AATK: variants seen among roughly 807,000 people sequenced by gnomAD.
AATK encodes the protein serine/threonine-protein kinase LMTK1.
Under a neutral mutation model 114.3 loss-of-function variants are expected in AATK, and 91 were observed. The observed-to-expected ratio is 0.80, with a 90% CI of 0.67 to 0.95. The LOEUF (loss-of-function observed/expected upper bound fraction) is 0.95. Ranked by LOEUF, AATK falls within the 40% of genes least tolerant of loss-of-function variation. The pLI, the probability that AATK is intolerant of heterozygous loss-of-function variation, is 0.00. For synonymous variants in AATK, 1,075 were observed against 916.5 expected, an observed-to-expected ratio of 1.17 and a Z score of -3.12; for missense variants, 2,176 against 1,965.2, an observed-to-expected ratio of 1.11 and a Z score of -2.03.
In AATK at chr17:81,118,084, G is replaced by A. The variant is rs1312045082; in HGVS notation, c.*318C>T. On this transcript the variant is annotated 3_prime_UTR_variant, in exon 14 of 14. Coordinates refer to ENST00000326724, the MANE Select transcript of AATK (RefSeq NM_001080395.3). ...GCAGGCAGGGCAGAGGGTGGGGGCC[G>A]CCGTGCCCAGGGGCACTGGCCCCTT... is the stretch of plus-strand genomic sequence containing the variant. The A allele has an allele frequency of 3.3e-5, 10 of 301,022 alleles. No homozygotes were observed. The highest frequency in any genetic ancestry group is 7.6e-5 in the South Asian group (1 of 13,220). The allele number at this position is 301,022 out of a possible 1,614,324, so 18.6% of individuals were successfully genotyped here.
chr17:81,147,551 T>C (rs1382205670), intron 1 of AATK, among the ~76,000 whole-genome samples: 2 of 151,992 alleles, frequency 1.3e-5, no homozygotes, highest in Non-Finnish European at 2.9e-5. Context: ...ACTTAAGAGT[T>C]TGAGACTAGC....
chr17:81,160,166 T>C, intron 1 of AATK: 1 of 775,688 alleles, frequency 1.3e-6, no homozygotes, highest in Non-Finnish European at 1.6e-6. Context: ...AGGAGTCTCC[T>C]GGCCACGGCC....
rs1169812344 is a variant in AATK at position 81,122,168 on chromosome 17, G to A, written c.1768C>T (p.Arg590Cys). Residue 590 changes from arginine (R) to cysteine (C), a missense_variant, in exon 11 of 14, where the codon CGC (arginine) becomes TGC (cysteine). Arg to Cys is a radical substitution (Grantham distance 180). Coordinates refer to ENST00000326724, the MANE Select transcript of AATK (RefSeq NM_001080395.3). ...HGPPVDVPWG[R>C]GDHYPRRSLA... Reference sequence around the variant, plus strand: ...CTTCTGCGAGGGTAGTGGTCGCCGCGGCCCCAGGGGACGTCGACGGGTGGC... The same window carrying A: ...CTTCTGCGAGGGTAGTGGTCGCCGCAGCCCCAGGGGACGTCGACGGGTGGC... The A allele has an allele frequency of 5.3e-6, 8 of 1,513,228 alleles. No homozygotes were observed. The East Asian group carries it at 9.9e-5, about 19-fold the overall frequency. 93.7% of individuals were successfully genotyped at this position (1,513,228 alleles called of 1,614,324 possible). A position where few individuals can be genotyped will look rare whatever the true frequency, so the allele number is the denominator to read the frequency against.
chr17:81,149,704 C>T (rs982930065), intron 1 of AATK, among the ~76,000 whole-genome samples: 12 of 152,204 alleles, frequency 7.9e-5, no homozygotes, highest in African/African-American at 2.7e-4. Flanking sequence ...GCCTGTGCCC[C>T]CATGAGCTCT....
Position 81,118,351 on chromosome 17 carries a change from TGGCAGGG to T in AATK, c.*44_*50del. The T allele has an allele frequency of 6.4e-7, 1 of 1,557,652 alleles. No individual in the cohort carries two copies. On this transcript the variant is annotated 3_prime_UTR_variant, in exon 14 of 14. Coordinates refer to ENST00000326724, the MANE Select transcript of AATK (RefSeq NM_001080395.3). ...CTCGGTCACCATCCTCGCTGCTGCC[TGGCAGGG>T]GCTCCGGTGACGCCAGCCTTGAGGG...
rs1203738998 is a variant in AATK, at chr17:81,119,504, G to A, written c.3960C>T (p.Ala1320=). 2.0e-6 allele frequency: 3 copies of A among 1,524,774 alleles called. No individual in the cohort carries two copies. Among genetic ancestry groups the A allele is most frequent in the Non-Finnish European group, 2.6e-6 (3 of 1,138,876 alleles). 94.5% of individuals were successfully genotyped at this position (1,524,774 alleles called of 1,614,324 possible). A position where few individuals can be genotyped will look rare whatever the true frequency, so the allele number is the denominator to read the frequency against. Residue 1320 remains alanine, a synonymous_variant, in exon 13 of 14, where the codon GCC becomes GCT. Transcript: ENST00000326724. ...KAAFAMALDP[A]APAPAAPTPT... ...GCGTGGGCGCAGCCGGGGCGGGTGCGGCCGGGTCTAGGGCCATGGCGAAGG... is the reference window on the plus strand; with the variant it reads ...GCGTGGGCGCAGCCGGGGCGGGTGCAGCCGGGTCTAGGGCCATGGCGAAGG...
chr17:81,134,396 C>T lies in AATK; in HGVS notation c.161G>A (p.Cys54Tyr), dbSNP rs1476546162. 1 of 1,613,190 alleles carries T rather than the reference C, an allele frequency of 6.2e-7. No homozygotes were observed. Among genetic ancestry groups the T allele is most frequent in the Non-Finnish European group, 8.5e-7 (1 of 1,179,812 alleles). The change falls in exon 2 of 14, where the codon TGC becomes TAC. Residue 54 changes from cysteine (C) to tyrosine (Y), a missense_variant. By Grantham distance (194) the Cys-to-Tyr change is radical (BLOSUM62 -2). Around this residue, in one of 4 missense-constraint regions of AATK, gnomAD observed 178 missense variants for 175.4 expected, o/e 1.01. Transcript: ENST00000326724. ...AVIVLMLACLCCKKGGIGFKE... is the reference protein window; with the variant it reads ...AVIVLMLACLYCKKGGIGFKE... Reference sequence around the variant, plus strand: ...GAACCCGATACCGCCCTTCTTACAGCACAGGCAGGCCAGCATGAGGACGAT... The same window carrying T: ...GAACCCGATACCGCCCTTCTTACAGTACAGGCAGGCCAGCATGAGGACGAT...
chr17:81,138,625 ACACACATATCCACACATC>A (rs1270146589), intron 1 of AATK, among the ~76,000 whole-genome samples: 1 of 143,282 alleles, frequency 7.0e-6, no homozygotes, highest in Non-Finnish European at 1.5e-5. Context: ...ACACATACCC[ACACACATATCCACACATC>A]CACACATACC....
At position 81,132,606 on chromosome 17, in the gene AATK, G is replaced by C. The variant is rs755537995; in HGVS notation, c.190-1401C>G. 50 of 254,710 alleles carry C rather than the reference G, an allele frequency of 2.0e-4. 1 individual carries two copies. Among genetic ancestry groups the C allele is most frequent in the South Asian group, 1.6e-3 (49 of 31,278 alleles). The allele number at this position is 254,710 out of a possible 1,614,324, so 15.8% of individuals were successfully genotyped here. ...ATCTGGGCTTTGTAGAGGGGCCCAG[G>C]ACACAGATGCTGTCTCTCCCTGGGG... is the stretch of plus-strand genomic sequence containing the variant. On this transcript the variant is annotated intron_variant, in intron 2 of 13. Transcript: ENST00000326724.
At position 81,122,436 on chromosome 17, in the gene AATK, T is replaced by C; in HGVS notation, c.1500A>G (p.Ala500=). 1 of 1,454,570 alleles carries C rather than the reference T, an allele frequency of 6.9e-7. No individual in the cohort carries two copies. Among genetic ancestry groups the C allele is most frequent in the Non-Finnish European group, 9.1e-7 (1 of 1,104,324 alleles). 90.1% of individuals were successfully genotyped at this position (1,454,570 alleles called of 1,614,324 possible). Residue 500 remains alanine, a synonymous_variant, in exon 11 of 14, where the codon GCA becomes GCG. Coordinates refer to ENST00000326724, the MANE Select transcript of AATK (RefSeq NM_001080395.3). ...FPATLSPGRT[A]RLQELCAPDG... The stretch of plus-strand genomic sequence containing the variant: ...CGGGGGCGCACAGCTCCTGCAGGCG[T>C]GCGGTGCGGCCAGGGCTCAGCGTGG...
rs879883280 is a variant in AATK at position 81,119,203 on chromosome 17, G to A, written c.4084+177C>T. Among the ~76,000 whole-genome samples, 950 of 122,302 alleles carry A rather than the reference G, an allele frequency of 7.8e-3. 4 individuals are homozygous for A. The highest frequency in any genetic ancestry group is 0.023 in the Middle Eastern group (5 of 216). 80.2% of individuals were successfully genotyped at this position (122,302 alleles called of 152,430 possible). On this transcript the variant is annotated intron_variant, in intron 13 of 13. Coordinates refer to ENST00000326724, the MANE Select transcript of AATK (RefSeq NM_001080395.3). ...TGAGGGTCAGGTGAGGGCCAGGCGA[G>A]GGCCAGGCGGGGTCCAGGCTAGGTC... is the stretch of plus-strand genomic sequence containing the variant.
At position 81,121,296 on chromosome 17, in the gene AATK, C is replaced by A; in HGVS notation, c.2640G>T (p.Gln880His). The A allele has an allele frequency of 6.2e-7, 1 of 1,611,646 alleles. No homozygotes were observed. The change falls in exon 11 of 14, where the codon CAG becomes CAT. Residue 880 changes from glutamine to histidine, a missense_variant. Physicochemically the swap from Gln to His is conservative, Grantham distance 24. Around this residue, in one of 4 missense-constraint regions of AATK, gnomAD observed 1,701 missense variants for 1,394.7 expected, o/e 1.22. Transcript: ENST00000326724. Reference sequence around the variant, plus strand: ...CTGGCACCACATCCGGCCTCCTGGCCTGCAGGCCGTCGCTGGACGTGTCGG... The same window carrying A: ...CTGGCACCACATCCGGCCTCCTGGCATGCAGGCCGTCGCTGGACGTGTCGG... ...IFTDTSSDGL[Q>H]ARRPDVVPAF...
At chr17:81,133,378 G>A (rs770553922) in intron 2 of AATK, 5 of 340,390 alleles carry the variant, frequency 1.5e-5, no homozygotes, top group South Asian at 6.3e-5. Flanking sequence ...CTCTGGGACT[G>A]TCTCCCAAAT....
At position 81,129,821 on chromosome 17, in the gene AATK, T is replaced by C. The variant is rs1278458734; in HGVS notation, c.334+1240A>G. ...GGACCCCCACAGCCATCCGGGAAGG[T>C]CCGAGGGCCTCACGCTCTGAGTGGG... On this transcript the variant is annotated intron_variant, in intron 3 of 13. Coordinates refer to ENST00000326724, the MANE Select transcript of AATK (RefSeq NM_001080395.3). Among the ~76,000 whole-genome samples the C allele has an allele frequency of 5.9e-5, 9 of 152,180 alleles. No individual in the cohort carries two copies. The East Asian group carries it at 1.7e-3, about 29-fold the overall frequency.
At chr17:81,157,905 G>C (rs547615480) in intron 1 of AATK, among the ~76,000 whole-genome samples, 30 of 152,216 alleles carry the variant, frequency 2.0e-4, no homozygotes, top group Non-Finnish European at 3.8e-4. Flanking sequence ...CGCTCTTCGT[G>C]GGGGCCTACC....
At chr17:81,130,578 C>T (rs2060914601) in intron 3 of AATK, among the ~76,000 whole-genome samples, 1 of 152,196 alleles carries the variant, frequency 6.6e-6, no homozygotes, top group Admixed American at 6.5e-5. Flanking sequence ...GCCCCTCCTC[C>T]TGCCATGCAC....
Position 81,120,891 on chromosome 17 carries a change from G to A in AATK, c.3045C>T (p.Cys1015=), listed in dbSNP as rs775382756. ...AEATSGPEKK[C]GGDRAPGPEL... ...CTGGCCCGGGGGCTCGGTCCCCGCCGCACTTCTTCTCTGGGCCTGAGGTGG... is the reference window on the plus strand; with the variant it reads ...CTGGCCCGGGGGCTCGGTCCCCGCCACACTTCTTCTCTGGGCCTGAGGTGG... The change falls in exon 11 of 14, where the codon TGC becomes TGT. Residue 1015 remains cysteine (C), a synonymous_variant. Transcript: ENST00000326724. The A allele has an allele frequency of 5.4e-5, 86 of 1,587,442 alleles. No homozygotes were observed. Among genetic ancestry groups the A allele is most frequent in the Non-Finnish European group, 4.6e-5 (54 of 1,167,526 alleles).
chr17:81,127,566 C>T lies in AATK; in HGVS notation c.621+17G>A. 6.3e-7 allele frequency: 1 copy of T among 1,583,300 alleles called. No individual in the cohort carries two copies. The highest frequency in any genetic ancestry group is 8.6e-7 in the Non-Finnish European group (1 of 1,165,494). On this transcript the variant is annotated intron_variant, in intron 6 of 13. Transcript: ENST00000326724. ...GGCTCAGCAAAGACCCCAGCATCCC[C>T]CCGGGCAGCAGCTCACCAGTGGGCA...
chr17:81,123,191 C>A lies in AATK; in HGVS notation c.1112+3G>T. 1 of 1,423,294 alleles carries A rather than the reference C, an allele frequency of 7.0e-7. No individual in the cohort carries two copies. The highest frequency in any genetic ancestry group is 9.2e-7 in the Non-Finnish European group (1 of 1,091,996). 88.2% of individuals were successfully genotyped at this position (1,423,294 alleles called of 1,614,324 possible). ...GTCCGGGACAGGGCAGTGGGGCCCT[C>A]ACCAGCGGTCCGACAGGGTCAGCTG... On this transcript the variant is annotated splice_donor_region_variant and intron_variant, in intron 10 of 13. Coordinates refer to ENST00000326724, the MANE Select transcript of AATK (RefSeq NM_001080395.3).
Sources: allele counts gnomAD v4.1 joint callset (sites outside exome capture counted in the v4.1 genomes callset), GRCh38; gene constraint gnomAD v4.1.1; regional missense constraint gnomAD v4.1.1; transcripts MANE v1.5; gene names NCBI Gene and HGNC (gene_info 2026-07-23, HGNC 2026-07-21).